The following ANKRD31 variants were observed in gnomAD, a reference collection of about 807,000 sequenced individuals.
ANKRD31 encodes the protein ankyrin repeat domain-containing protein 31.
ANKRD31 carries 147 observed loss-of-function variants against 186.0 expected under a neutral mutation model. The ratio of observed to expected loss-of-function variants is 0.79; its 90% CI spans 0.69 to 0.91. The LOEUF (loss-of-function observed/expected upper bound fraction) is 0.91. Among genes scored for constraint, ANKRD31 ranks in the 40% least tolerant of loss-of-function variants. ANKRD31 has a pLI of 0.00. For missense variants in ANKRD31, 1,986 were observed against 2,148.8 expected (o/e 0.92, Z 1.50); for synonymous variants, 673 against 736.4 (o/e 0.91, Z 1.39).
At chr5:75,081,077 T>C (rs1745044136) in intron 24 of ANKRD31, among the ~76,000 whole-genome samples, 1 of 152,230 alleles carries the variant, frequency 6.6e-6, no homozygotes, top group Non-Finnish European at 1.5e-5. Flanking sequence ...GCCAGGTCTC[T>C]GGGTTTCTGT....
At chr5:75,205,462 G>C (rs1756115554) in intron 5 of ANKRD31, among the ~76,000 whole-genome samples, 2 of 152,164 alleles carry the variant, frequency 1.3e-5, no homozygotes, top group Non-Finnish European at 2.9e-5. Flanking sequence ...TCCTGATATT[G>C]TCATGCTCCA....
rs1236255175 is a variant in ANKRD31, at chr5:75,236,586, C to A, written c.101G>T (p.Arg34Ile). The A allele has an allele frequency of 6.5e-7, 1 of 1,537,052 alleles. No individual in the cohort carries two copies. The highest frequency in any genetic ancestry group is 2.0e-5 in the Admixed American group (1 of 50,960). ...SDLEEKELPW[R>I]RLLFDQDASL... ...CTGTGGCCCTAATGATGGTCACCTT[C>A]TCCAGGGCAGCTCCTTTTCTTCCAG... The change falls in exon 1 of 26, where the codon AGA (arginine) becomes ATA (isoleucine). Residue 34 changes from arginine (R) to isoleucine (I), a missense_variant. Transcript: ENST00000506364.
chr5:75,100,701 CT>C (rs1280002776), intron 22 of ANKRD31, among the ~76,000 whole-genome samples: 1 of 152,060 alleles, frequency 6.6e-6, no homozygotes, highest in Non-Finnish European at 1.5e-5. Context: ...CTCTTTTGAT[CT>C]TTGTTGGTTT....
chr5:75,114,197 A>C (rs2150074563), intron 19 of ANKRD31, among the ~76,000 whole-genome samples: 1 of 152,226 alleles, frequency 6.6e-6, no homozygotes, highest in Admixed American at 6.5e-5. Context: ...TATAAACCAT[A>C]TGGGATCGAG....
intron 11 of ANKRD31, among the ~76,000 whole-genome samples, chr5:75,156,218 T>C (rs939679115): frequency 2.0e-5 from 3 of 152,168 alleles, no homozygotes; most frequent in African/African-American, 7.2e-5. Context: ...GTGCCAGGCT[T>C]TTAAAGAAGA....
intron 17 of ANKRD31, 151 bp downstream of exon 17, chr5:75,137,705 A>T: frequency 1.6e-6 from 1 of 643,044 alleles, no homozygotes; most frequent in Non-Finnish European, 2.4e-6. Context: ...ATCCATATAT[A>T]TTATTGTATC....
At chr5:75,210,454 G>A (rs1000821361) in intron 4 of ANKRD31, among the ~76,000 whole-genome samples, 1 of 152,104 alleles carries the variant, frequency 6.6e-6, no homozygotes, top group Non-Finnish European at 1.5e-5. Context: ...GATTACAGGC[G>A]TTAGCCACTA....
At chr5:75,092,622 A>T (rs1251498037) in intron 22 of ANKRD31, among the ~76,000 whole-genome samples, 1 of 152,184 alleles carries the variant, frequency 6.6e-6, no homozygotes, top group Non-Finnish European at 1.5e-5. Flanking sequence ...AGCAATAAGA[A>T]GTCCAAGAGA....
At chr5:75,121,782 C>T (rs1192658104) in intron 17 of ANKRD31, among the ~76,000 whole-genome samples, 1 of 151,936 alleles carries the variant, frequency 6.6e-6, no homozygotes, top group Non-Finnish European at 1.5e-5. Context: ...TCAGAATATA[C>T]CAAAACCTCT....
intron 23 of ANKRD31, among the ~76,000 whole-genome samples, chr5:75,086,956 T>G (rs1273569677): frequency 1.3e-5 from 2 of 152,232 alleles, no homozygotes; most frequent in Non-Finnish European, 2.9e-5. Flanking sequence ...ATTCTGGAAA[T>G]GTAGTTAATG....
intron 24 of ANKRD31, among the ~76,000 whole-genome samples, chr5:75,083,102 A>C (rs971258754): frequency 6.6e-6 from 1 of 152,230 alleles, no homozygotes; most frequent in African/African-American, 2.4e-5. Flanking sequence ...CCCAAGTCTA[A>C]ACATGAAATT....
chr5:75,180,135 T>C (rs893042125), intron 10 of ANKRD31, among the ~76,000 whole-genome samples: 1 of 152,138 alleles, frequency 6.6e-6, no homozygotes, highest in African/African-American at 2.4e-5. Flanking sequence ...CATTCAAAAT[T>C]GCTTCAAAGA....
chr5:75,168,843 A>T, intron 11 of ANKRD31, 136 bp downstream of exon 11: 1 of 874,644 alleles, frequency 1.1e-6, no homozygotes, highest in Non-Finnish European at 1.6e-6. Context: ...GTAAAATTTC[A>T]TTATAAATTC....
At chr5:75,122,873 A>G (rs1193530545) in intron 17 of ANKRD31, among the ~76,000 whole-genome samples, 1 of 152,152 alleles carries the variant, frequency 6.6e-6, no homozygotes, top group African/African-American at 2.4e-5. Flanking sequence ...AAGAACTAGA[A>G]TAAGACAAGA....
At chr5:75,155,235 T>G (rs964922094) in intron 11 of ANKRD31, among the ~76,000 whole-genome samples, 2 of 152,098 alleles carry the variant, frequency 1.3e-5, no homozygotes, top group African/African-American at 4.8e-5. Flanking sequence ...TATTTGGAAT[T>G]TTTCCAGCAA....
At chr5:75,073,970 C>A (rs1744432872) in intron 25 of ANKRD31, among the ~76,000 whole-genome samples, 1 of 152,140 alleles carries the variant, frequency 6.6e-6, no homozygotes, top group African/African-American at 2.4e-5. Flanking sequence ...CTAGTACAGC[C>A]ATAAGACTTA....
intron 11 of ANKRD31, among the ~76,000 whole-genome samples, chr5:75,168,690 C>T (rs1483280284): frequency 6.6e-6 from 1 of 151,324 alleles, no homozygotes; most frequent in Non-Finnish European, 1.5e-5. Context: ...TTCTTCTAAA[C>T]CCTATAAAGC....
chr5:75,116,044 T>C (rs1003124586), intron 19 of ANKRD31, among the ~76,000 whole-genome samples: 48 of 150,694 alleles, frequency 3.2e-4, no homozygotes, highest in Non-Finnish European at 5.2e-4. Context: ...ATTAAGAAAA[T>C]GTGGCACATA....
At chr5:75,087,324 T>C (rs1201800186) in intron 23 of ANKRD31, among the ~76,000 whole-genome samples, 2 of 152,054 alleles carry the variant, frequency 1.3e-5, no homozygotes, top group Non-Finnish European at 1.5e-5. Context: ...CTGGTCAACA[T>C]GGTGAAACCC....
Sources: gnomAD v4.1 joint callset for allele counts (sites outside exome capture counted in the v4.1 genomes callset) on GRCh38, gnomAD v4.1.1 for gene constraint, MANE v1.5 for transcripts, NCBI Gene and HGNC (gene_info 2026-07-23, HGNC 2026-07-21) for gene names.